Variants in ZKSCAN5 observed in about 807,000 individuals in gnomAD.
ZKSCAN5 encodes the protein zinc finger protein with KRAB and SCAN domains 5.
In ZKSCAN5, 28 loss-of-function variants were observed where a neutral mutation model predicts 60.0. That is an observed-to-expected ratio of 0.47 (90% CI 0.35 to 0.64). ZKSCAN5 has a LOEUF of 0.64. Ranked by LOEUF, ZKSCAN5 falls within the 30% of genes least tolerant of loss-of-function variation. The pLI is 0.01. For missense variants in ZKSCAN5, 881 were observed against 1,034.6 expected, an observed-to-expected ratio of 0.85 and a Z score of 2.04; for synonymous variants, 361 against 371.2, an observed-to-expected ratio of 0.97 and a Z score of 0.31.
intron 5 of ZKSCAN5, among the ~76,000 whole-genome samples, chr7:99,522,247 G>T (rs541828836): frequency 7.9e-5 from 12 of 152,294 alleles, no homozygotes; most frequent in African/African-American, 2.9e-4. Flanking sequence ...GTACCCATCA[G>T]ATTTGGAAGT....
chr7:99,532,214 A>T lies in ZKSCAN5; in HGVS notation c.2485A>T (p.Ile829Leu), dbSNP rs1802086764. 2 of 1,605,438 alleles carry T rather than the reference A, an allele frequency of 1.2e-6. No individual in the cohort carries two copies. The highest frequency in any genetic ancestry group is 1.3e-5 in the African/African-American group (1 of 74,562). The change falls in exon 7 of 7, where the codon ATA becomes TTA. Residue 829 changes from isoleucine to leucine, a missense_variant. Ile to Leu is a conservative substitution (Grantham distance 5). Around this residue, in one of 5 missense-constraint regions of ZKSCAN5, gnomAD observed 138 missense variants for 143.8 expected, o/e 0.96. Transcript: ENST00000326775. Reference protein sequence around the residue: ...HLRSHERTDPINTLSVEGSLL With the variant: ...HLRSHERTDPLNTLSVEGSLL ...GAGAAGCCATGAGAGGACAGATCCCATAAATACCTTAAGTGTAGAGGGGTC... is the reference window on the plus strand; with the variant it reads ...GAGAAGCCATGAGAGGACAGATCCCTTAAATACCTTAAGTGTAGAGGGGTC...
intron 2 of ZKSCAN5, among the ~76,000 whole-genome samples, chr7:99,510,888 T>C (rs1313895572): frequency 6.6e-6 from 1 of 152,040 alleles, no homozygotes; most frequent in Non-Finnish European, 1.5e-5. Flanking sequence ...ACTATATAGA[T>C]GTATGCTACC....
chr7:99,515,496 C>T (rs1402776041), intron 3 of ZKSCAN5, among the ~76,000 whole-genome samples: 1 of 152,058 alleles, frequency 6.6e-6, no homozygotes, highest in East Asian at 1.9e-4. Context: ...GTAATCCTTC[C>T]AGTAGCTCAG....
At chr7:99,520,758 C>T (rs554729476) in intron 5 of ZKSCAN5, among the ~76,000 whole-genome samples, 12 of 152,096 alleles carry the variant, frequency 7.9e-5, no homozygotes, top group South Asian at 2.1e-4. Context: ...CCAGCACTTC[C>T]GGAGGCTGAG....
intron 5 of ZKSCAN5, among the ~76,000 whole-genome samples, chr7:99,521,660 T>G (rs1801545317): frequency 6.6e-6 from 1 of 152,086 alleles, no homozygotes; most frequent in African/African-American, 2.4e-5. Context: ...TTCCTCTTTT[T>G]GATTTATTTG....
Position 99,524,095 on chromosome 7 carries a change from G to C in ZKSCAN5, c.773-1718G>C, listed in dbSNP as rs986232915. 2.1e-5 allele frequency among the ~76,000 whole-genome samples: 3 copies of C among 144,870 alleles called. No individual in the cohort carries two copies. In the East Asian group the frequency reaches 6.0e-4, roughly 29 times the overall value. ...GGTTTTTTTTTTTTTTTTTGGGACA[G>C]AGTCTCGCTCTGTCACCCAGACTGG... On this transcript the variant is annotated intron_variant, in intron 5 of 6. Coordinates refer to ENST00000326775, the MANE Select transcript of ZKSCAN5 (RefSeq NM_145102.4).
rs1370684392 is a variant in ZKSCAN5, at chr7:99,506,293, G to A, written c.249G>A (p.Leu83=). 1 of 1,614,242 alleles carries A rather than the reference G, an allele frequency of 6.2e-7. No individual in the cohort carries two copies. Among genetic ancestry groups the A allele is most frequent in the Non-Finnish European group, 8.5e-7 (1 of 1,180,052 alleles). ...VLCCEWLRPE[L]HTKEQILELL... ...GCTGTGAGTGGCTGAGGCCCGAGCT[G>A]CACACGAAGGAGCAGATCCTGGAGC... The change falls in exon 2 of 7, where the codon CTG becomes CTA. Residue 83 remains leucine, a synonymous_variant. Coordinates refer to ENST00000326775, the MANE Select transcript of ZKSCAN5 (RefSeq NM_145102.4).
chr7:99,508,096 G>A (rs1800847674), intron 2 of ZKSCAN5, among the ~76,000 whole-genome samples: 1 of 150,970 alleles, frequency 6.6e-6, no homozygotes. Context: ...TCAGAAGATC[G>A]AGACCATCCT....
In ZKSCAN5 at chr7:99,528,809, C is replaced by T. The variant is rs191216638; in HGVS notation, c.1379-2299C>T. On this transcript the variant is annotated intron_variant, in intron 6 of 6. Transcript: ENST00000326775. ...TATTGAGAGTCTGTGTTGCTAGTTGCACAGGATCTGCAGTGACCAGAACAG... is the reference window on the plus strand; with the variant it reads ...TATTGAGAGTCTGTGTTGCTAGTTGTACAGGATCTGCAGTGACCAGAACAG... Among the ~76,000 whole-genome samples the T allele has an allele frequency of 3.3e-5, 5 of 152,268 alleles. No individual in the cohort carries two copies. The East Asian group carries it at 9.6e-4, about 29-fold the overall frequency.
In ZKSCAN5 at chr7:99,533,864, C is replaced by T; in HGVS notation, c.*1615C>T. The T allele has an allele frequency of 2.7e-6, 1 of 367,082 alleles. No individual in the cohort carries two copies. The highest frequency in any genetic ancestry group is 4.8e-6 in the Non-Finnish European group (1 of 206,652). 22.7% of individuals were successfully genotyped at this position (367,082 alleles called of 1,614,324 possible). ...TGTCTCAGGCTCTGCTTTAGAGAAC[C>T]TGATCTAAGACATTTGGTGCCACAA... On this transcript the variant is annotated 3_prime_UTR_variant, in exon 7 of 7. Transcript: ENST00000326775.
chr7:99,533,731 G>A lies in ZKSCAN5; in HGVS notation c.*1482G>A. ...GATCAGGCCAAGCTAGACTTTTTCT[G>A]AGCCTTCATCCGTGCTAAGCTCTCT... is the stretch of plus-strand genomic sequence containing the variant. On this transcript the variant is annotated 3_prime_UTR_variant, in exon 7 of 7. Coordinates refer to ENST00000326775, the MANE Select transcript of ZKSCAN5 (RefSeq NM_145102.4). 1 of 398,538 alleles carries A rather than the reference G, an allele frequency of 2.5e-6. No individual in the cohort carries two copies. Among genetic ancestry groups the A allele is most frequent in the Non-Finnish European group, 4.4e-6 (1 of 226,336 alleles). 24.7% of individuals were successfully genotyped at this position (398,538 alleles called of 1,614,324 possible). A position where few individuals can be genotyped will look rare whatever the true frequency, so the allele number is the denominator to read the frequency against.
chr7:99,515,672 A>G (rs1282525659), intron 3 of ZKSCAN5, among the ~76,000 whole-genome samples: 2 of 152,008 alleles, frequency 1.3e-5, no homozygotes, highest in African/African-American at 2.4e-5. Context: ...CATCTCTACT[A>G]AGAAATACCA....
intron 6 of ZKSCAN5, among the ~76,000 whole-genome samples, chr7:99,530,587 A>T (rs1301031980): frequency 6.6e-6 from 1 of 152,116 alleles, no homozygotes. Flanking sequence ...ATAGTTTGCA[A>T]ATATTTTCTG....
chr7:99,516,578 G>A (rs998887298), intron 3 of ZKSCAN5, among the ~76,000 whole-genome samples: 10 of 152,066 alleles, frequency 6.6e-5, no homozygotes, highest in African/African-American at 2.2e-4. Context: ...TTAATCCCAG[G>A]CAGGTCTGTG....
chr7:99,505,020 G>A (rs1369907921), intron 1 of ZKSCAN5: 1 of 152,448 alleles, frequency 6.6e-6, no homozygotes, highest in Middle Eastern at 3.4e-3. Context: ...AGGGGAGAGA[G>A]TGGCTCCGTT....
chr7:99,511,415 C>G (rs1801019694), intron 2 of ZKSCAN5, among the ~76,000 whole-genome samples: 1 of 152,118 alleles, frequency 6.6e-6, no homozygotes, highest in Admixed American at 6.6e-5. Flanking sequence ...TAGACATCCT[C>G]TTTCTGCCTG....
chr7:99,514,183 A>G (rs1801164970), intron 3 of ZKSCAN5, among the ~76,000 whole-genome samples: 1 of 152,206 alleles, frequency 6.6e-6, no homozygotes, highest in Admixed American at 6.6e-5. Flanking sequence ...AATGACTCAC[A>G]AGATAAGAAT....
intron 3 of ZKSCAN5, among the ~76,000 whole-genome samples, chr7:99,517,814 T>C (rs1217478277): frequency 6.6e-6 from 1 of 150,882 alleles, no homozygotes; most frequent in Non-Finnish European, 1.5e-5. Flanking sequence ...ACCACTGTAC[T>C]CCAGCCTGGG....
chr7:99,529,071 C>T (rs988751231), intron 6 of ZKSCAN5, among the ~76,000 whole-genome samples: 3 of 152,112 alleles, frequency 2.0e-5, no homozygotes, highest in Non-Finnish European at 4.4e-5. Context: ...TGACTGCATA[C>T]CCTCTTCATC....
Sources: allele counts gnomAD v4.1 joint callset (sites outside exome capture counted in the v4.1 genomes callset), GRCh38; gene constraint gnomAD v4.1.1; regional missense constraint gnomAD v4.1.1; transcripts MANE v1.5; gene names NCBI Gene and HGNC (gene_info 2026-07-23, HGNC 2026-07-21).